PDE9A: variants seen among roughly 807,000 people sequenced by gnomAD.
PDE9A encodes high affinity cGMP-specific 3',5'-cyclic phosphodiesterase 9A.
Under a neutral mutation model 87.4 loss-of-function variants are expected in PDE9A, and 60 were observed. That is an observed-to-expected ratio of 0.69 (90% CI 0.56 to 0.85). The LOEUF is 0.85. Among genes scored for constraint, PDE9A ranks in the 40% least tolerant of loss-of-function variants. The pLI is 0.00. For missense variants in PDE9A, 665 were observed against 779.0 expected, an observed-to-expected ratio of 0.85 and a Z score of 1.74; for synonymous variants, 272 against 279.4, an observed-to-expected ratio of 0.97 and a Z score of 0.27.
rs376251388 is a variant in PDE9A, at chr21:42,755,224, G to A, written c.810+1160G>A. 1.6e-4 allele frequency among the ~76,000 whole-genome samples: 24 copies of A among 152,352 alleles called. No homozygotes were observed. The East Asian group carries it at 1.7e-3, about 11-fold the overall frequency. ...GCTCTTTGACAAGCTCGGCCGCAGC[G>A]ATGTCTCTGCAAAGGGCAGAAAGTG... is the stretch of plus-strand genomic sequence containing the variant. On this transcript the variant is annotated intron_variant, in intron 10 of 19. Coordinates refer to ENST00000291539, the MANE Select transcript of PDE9A (RefSeq NM_002606.3).
At chr21:42,753,898 A>T in intron 9 of PDE9A, 92 bp from the exon 10 acceptor site, 1 of 643,634 alleles carries the variant, frequency 1.6e-6, no homozygotes, top group Non-Finnish European at 2.7e-6. Context: ...AAAAAGAAAG[A>T]GAACGGGAGA....
intron 17 of PDE9A, 31 bp downstream of exon 17, chr21:42,769,186 C>T (rs755484412): frequency 1.2e-6 from 2 of 1,604,542 alleles, no homozygotes; most frequent in Admixed American, 3.4e-5. Flanking sequence ...GTCACACTTG[C>T]TTACACTCAG....
chr21:42,720,672 T>C (rs1034315348), intron 4 of PDE9A, among the ~76,000 whole-genome samples: 4 of 152,074 alleles, frequency 2.6e-5, no homozygotes, highest in African/African-American at 9.7e-5. Context: ...TGTCATGACT[T>C]GGCCTCTCTC....
At chr21:42,768,123 C>T (rs2056582273) in intron 15 of PDE9A, 65 bp from the exon 16 acceptor site, 7 of 951,472 alleles carry the variant, frequency 7.4e-6, no homozygotes, top group South Asian at 3.9e-5. Context: ...AGTCCAGACC[C>T]GAGCAGCAGC....
Position 42,715,434 on chromosome 21 carries a change from C to A in PDE9A, c.263-16336C>A, listed in dbSNP as rs373886979. On this transcript the variant is annotated intron_variant, in intron 4 of 19. Transcript: ENST00000291539. ...TGGAGGTCAGGAGTTCAAGACCAGA[C>A]TGGCCAACATGGTGAAACCCTGTCT... is the stretch of plus-strand genomic sequence containing the variant. Among the ~76,000 whole-genome samples, 19 of 152,174 alleles carry A rather than the reference C, an allele frequency of 1.2e-4. No homozygotes were observed. The South Asian group carries it at 1.9e-3, about 15-fold the overall frequency.
At position 42,664,918 on chromosome 21, in the gene PDE9A, A is replaced by G. The variant is rs116888240; in HGVS notation, c.69+11035A>G. 2.0e-5 allele frequency among the ~76,000 whole-genome samples: 3 copies of G among 152,358 alleles called. No individual in the cohort carries two copies. In the East Asian group the frequency reaches 5.8e-4, roughly 29 times the overall value. Reference sequence around the variant, plus strand: ...CTGTGAGTTGAATTGTGTCTCCCAAAAAAGTGGATTTCTGTGCTAACCTGT... The same window carrying G: ...CTGTGAGTTGAATTGTGTCTCCCAAGAAAGTGGATTTCTGTGCTAACCTGT... On this transcript the variant is annotated intron_variant, in intron 1 of 19. Transcript: ENST00000291539.
intron 4 of PDE9A, among the ~76,000 whole-genome samples, chr21:42,707,179 T>A (rs188569243): frequency 6.6e-6 from 1 of 152,330 alleles, no homozygotes; most frequent in African/African-American, 2.4e-5. Context: ...ATATTAAAAA[T>A]TTTTTTAAAG....
rs2052850497 is a variant in PDE9A at position 42,739,350 on chromosome 21, G to A, written c.569-4426G>A. 6.6e-6 allele frequency among the ~76,000 whole-genome samples: 1 copy of A among 152,210 alleles called. No individual in the cohort carries two copies. The highest frequency in any genetic ancestry group is 2.4e-5 in the African/African-American group (1 of 41,440). On this transcript the variant is annotated intron_variant, in intron 7 of 19. Coordinates refer to ENST00000291539, the MANE Select transcript of PDE9A (RefSeq NM_002606.3). The surrounding 1 kb of genome is among the most constrained non-coding windows in gnomAD (Gnocchi z 4.1). The stretch of plus-strand genomic sequence containing the variant: ...GGATTGAGGTGGAGCAGGGCTGGCA[G>A]TGGGTCGAAGAGGGGAGCTGTGGAA...
At chr21:42,748,846 G>T (rs1021226044) in intron 8 of PDE9A, among the ~76,000 whole-genome samples, 1 of 152,190 alleles carries the variant, frequency 6.6e-6, no homozygotes, top group African/African-American at 2.4e-5. Context: ...TACCGAATGT[G>T]CTCTTTCTTC....
At chr21:42,758,132 G>C (rs753072091) in intron 10 of PDE9A, 3 of 152,218 alleles carry the variant, frequency 2.0e-5, no homozygotes, top group Non-Finnish European at 4.4e-5. Flanking sequence ...ATCTTCCTTC[G>C]CACTGGGCTC....
chr21:42,723,157 T>A lies in PDE9A; in HGVS notation c.263-8613T>A, dbSNP rs1036549415. 2.0e-5 allele frequency among the ~76,000 whole-genome samples: 3 copies of A among 152,242 alleles called. No homozygotes were observed. The highest frequency in any genetic ancestry group is 4.4e-5 in the Non-Finnish European group (3 of 68,046). On this transcript the variant is annotated intron_variant, in intron 4 of 19. Transcript: ENST00000291539. The surrounding 1 kb of genome is among the most constrained non-coding windows in gnomAD (Gnocchi z 4.3). ...TTGGTCCCTCTAGAGGTTTGCTTCA[T>A]TCCAGTACCCTTGGTTCTGTCAAGT...
intron 8 of PDE9A, among the ~76,000 whole-genome samples, chr21:42,749,997 G>T (rs1286315488): frequency 6.6e-6 from 1 of 152,130 alleles, no homozygotes; most frequent in African/African-American, 2.4e-5. Context: ...AATTAGTCAG[G>T]TGTGGCAGCA....
intron 17 of PDE9A, among the ~76,000 whole-genome samples, chr21:42,769,395 A>C (rs558866513): frequency 8.0e-6 from 1 of 125,132 alleles, no homozygotes; most frequent in Non-Finnish European, 1.6e-5. Flanking sequence ...AGGCACACAA[A>C]TGCACACACA....
rs745562624 is a variant in PDE9A at position 42,694,960 on chromosome 21, C to T, written c.219-4008C>T. On this transcript the variant is annotated intron_variant, in intron 3 of 19. Transcript: ENST00000291539. This position sits in a 1 kb window ranked among gnomAD's most constrained non-coding sequence, Gnocchi z 5.3. ...CTTCTGCAAACCTCCAAGCACATTC[C>T]CCCTCTGCACACTGCCAATCTTCCT... Among the ~76,000 whole-genome samples, 2 of 152,194 alleles carry T rather than the reference C, an allele frequency of 1.3e-5. No individual in the cohort carries two copies. Among genetic ancestry groups the T allele is most frequent in the Admixed American group, 6.5e-5 (1 of 15,284 alleles).
intron 1 of PDE9A, among the ~76,000 whole-genome samples, chr21:42,679,084 C>G (rs921414273): frequency 6.6e-6 from 1 of 152,196 alleles, no homozygotes; most frequent in Admixed American, 6.5e-5. Flanking sequence ...CCCAGAGATC[C>G]AGGTCACGAG....
At chr21:42,735,186 C>T (rs1054811678) in intron 7 of PDE9A, among the ~76,000 whole-genome samples, 5 of 152,174 alleles carry the variant, frequency 3.3e-5, no homozygotes, top group Non-Finnish European at 7.4e-5. Flanking sequence ...CCTGTGCTGC[C>T]GTCTCTGAGC....
chr21:42,715,736 C>A (rs1207809820), intron 4 of PDE9A, among the ~76,000 whole-genome samples: 1 of 151,732 alleles, frequency 6.6e-6, no homozygotes, highest in African/African-American at 2.4e-5. Context: ...CTGTACATTC[C>A]CTGGGTTTGG....
chr21:42,773,946 A>C (rs1180034747), intron 19 of PDE9A, among the ~76,000 whole-genome samples: 1 of 150,488 alleles, frequency 6.6e-6, no homozygotes, highest in Non-Finnish European at 1.5e-5. Flanking sequence ...TACTAAAAAT[A>C]CAAAAAAAAT....
At chr21:42,700,943 T>C (rs2048336532) in intron 4 of PDE9A, 1 of 152,218 alleles carries the variant, frequency 6.6e-6, no homozygotes, top group African/African-American at 2.4e-5. Context: ...AAAAATGTTA[T>C]TGCTTTTATT....
Sources: allele counts gnomAD v4.1 joint callset (sites outside exome capture counted in the v4.1 genomes callset), GRCh38; gene constraint gnomAD v4.1.1; non-coding constraint Gnocchi (gnomAD v3.1); transcripts MANE v1.5; gene names NCBI Gene and HGNC (gene_info 2026-07-23, HGNC 2026-07-21).